Variants in HECW1 observed in about 807,000 individuals in gnomAD.
The protein encoded by HECW1 is HECT, C2 and WW domain containing E3 ubiquitin protein ligase 1, also known as E3 ubiquitin-protein ligase HECW1.
HECW1 carries 61 observed loss-of-function variants against 182.3 expected under a neutral mutation model. The observed-to-expected ratio is 0.33, with a 90% CI of 0.27 to 0.41. The LOEUF is 0.41. Among genes scored for constraint, HECW1 ranks in the 10% least tolerant of loss-of-function variants. The pLI, the probability that HECW1 is intolerant of heterozygous loss-of-function variation, is 1.00. For synonymous variants in HECW1, 859 were observed against 832.6 expected (o/e 1.03, Z -0.55); for missense variants, 1,739 against 2,108.9 (o/e 0.82, Z 3.44).
chr7:43,304,811 G>A (rs1408853307), intron 3 of HECW1, among the ~76,000 whole-genome samples: 1 of 152,174 alleles, frequency 6.6e-6, no homozygotes, highest in Non-Finnish European at 1.5e-5. Context: ...AGTATTTACT[G>A]AGCATCATCT....
At chr7:43,406,206 G>A (rs992743006) in intron 7 of HECW1, among the ~76,000 whole-genome samples, 2 of 152,176 alleles carry the variant, frequency 1.3e-5, no homozygotes, top group African/African-American at 4.8e-5. Flanking sequence ...ACAGTGCAGA[G>A]ATCTACCAGT....
At chr7:43,230,130 C>G (rs534392276) in intron 2 of HECW1, among the ~76,000 whole-genome samples, 1 of 152,328 alleles carries the variant, frequency 6.6e-6, no homozygotes, top group Non-Finnish European at 1.5e-5. Flanking sequence ...CAGTGGCTCA[C>G]GCCTGTAATC....
intron 3 of HECW1, among the ~76,000 whole-genome samples, chr7:43,285,115 A>G (rs1040267456): frequency 2.6e-5 from 4 of 152,048 alleles, no homozygotes; most frequent in Non-Finnish European, 5.9e-5. Context: ...AGCAAGTCTT[A>G]CTGCTAACTG....
intron 3 of HECW1, among the ~76,000 whole-genome samples, chr7:43,301,535 G>A (rs1439148277): frequency 6.6e-6 from 1 of 152,148 alleles, no homozygotes; most frequent in Non-Finnish European, 1.5e-5. Context: ...ACAAGGCCTG[G>A]TACACACTAA....
intron 2 of HECW1, chr7:43,241,510 G>A (rs1412287504): frequency 6.6e-6 from 1 of 152,080 alleles, no homozygotes; most frequent in Non-Finnish European, 1.5e-5. Context: ...ACAGTAAACT[G>A]TAAAGTGAAA....
intron 29 of HECW1, among the ~76,000 whole-genome samples, chr7:43,555,720 G>T (rs2081994477): frequency 6.6e-6 from 1 of 152,172 alleles, no homozygotes; most frequent in Non-Finnish European, 1.5e-5. Context: ...TCATGGGCAT[G>T]CCCAGCTGGT....
chr7:43,235,755 G>A (rs1191922891), intron 2 of HECW1, among the ~76,000 whole-genome samples: 1 of 152,110 alleles, frequency 6.6e-6, no homozygotes, highest in Non-Finnish European at 1.5e-5. Flanking sequence ...CTGGCATCTT[G>A]GTGGGGAGTC....
chr7:43,308,016 TATATA>T (rs1244207415), intron 3 of HECW1, among the ~76,000 whole-genome samples: 7 of 120,290 alleles, frequency 5.8e-5, no homozygotes, highest in South Asian at 2.2e-4. Flanking sequence ...ATATACAGTA[TATATA>T]ATATATTATA....
At chr7:43,262,311 A>G (rs535883942) in intron 3 of HECW1, among the ~76,000 whole-genome samples, 22 of 152,272 alleles carry the variant, frequency 1.4e-4, no homozygotes, top group African/African-American at 5.3e-4. Flanking sequence ...AGAAAAAAGA[A>G]AACAATGGCT....
At chr7:43,233,960 A>G (rs987576013) in intron 2 of HECW1, among the ~76,000 whole-genome samples, 7 of 152,246 alleles carry the variant, frequency 4.6e-5, no homozygotes, top group Admixed American at 3.3e-4. Flanking sequence ...GGGAAAGATA[A>G]GATACTTCAT....
chr7:43,305,682 C>A (rs1470504988), intron 3 of HECW1, among the ~76,000 whole-genome samples: 1 of 151,810 alleles, frequency 6.6e-6, no homozygotes, highest in African/African-American at 2.4e-5. Context: ...CTCACTGCAA[C>A]CTCCACCTCC....
chr7:43,338,560 T>C (rs1397818216), intron 5 of HECW1, among the ~76,000 whole-genome samples: 3 of 152,234 alleles, frequency 2.0e-5, no homozygotes, highest in Non-Finnish European at 2.9e-5. Flanking sequence ...GCCATTCTTG[T>C]CTAATGTATG....
chr7:43,235,207 G>A (rs1001093941), intron 2 of HECW1, among the ~76,000 whole-genome samples: 1 of 152,108 alleles, frequency 6.6e-6, no homozygotes, highest in Non-Finnish European at 1.5e-5. Flanking sequence ...GGAGTTCCCC[G>A]GCCCCCACAC....
chr7:43,321,246 A>G (rs1374677476), intron 5 of HECW1, among the ~76,000 whole-genome samples: 1 of 152,300 alleles, frequency 6.6e-6, no homozygotes, highest in South Asian at 2.1e-4. Context: ...AGACATTGGT[A>G]CTACCAGCCT....
In HECW1 at chr7:43,114,320, C is replaced by T; in HGVS notation, c.-103C>T. On this transcript the variant is annotated 5_prime_UTR_variant, in exon 2 of 30. The change creates a premature stop within an existing upstream ORF in the 5' untranslated region. Coordinates refer to ENST00000395891, the MANE Select transcript of HECW1 (RefSeq NM_015052.5). ...TAAAGACCCCGGCAGTGTTGTGGTC[C>T]AAGGCGTCTCAAAGCAGGTGGCCAG... is the stretch of plus-strand genomic sequence containing the variant. 7.3e-7 allele frequency: 1 copy of T among 1,361,466 alleles called. No individual in the cohort carries two copies. The highest frequency in any genetic ancestry group is 1.2e-5 in the South Asian group (1 of 81,654). The allele number at this position is 1,361,466 out of a possible 1,614,324, so 84.3% of individuals were successfully genotyped here. A position where few individuals can be genotyped will look rare whatever the true frequency, so the allele number is the denominator to read the frequency against.
intron 8 of HECW1, among the ~76,000 whole-genome samples, chr7:43,414,564 C>T (rs2075921966): frequency 6.6e-6 from 1 of 150,686 alleles, no homozygotes. Flanking sequence ...CCAGTTTTTG[C>T]CCATTCAGTA....
chr7:43,428,568 A>G (rs1485970229), intron 8 of HECW1, among the ~76,000 whole-genome samples: 1 of 152,246 alleles, frequency 6.6e-6, no homozygotes, highest in African/African-American at 2.4e-5. Context: ...AATGGACTCT[A>G]GAGTGAGGAA....
chr7:43,462,246 G>A (rs1053074987), intron 13 of HECW1, among the ~76,000 whole-genome samples: 3 of 151,678 alleles, frequency 2.0e-5, no homozygotes, highest in African/African-American at 7.3e-5. Context: ...GAGACAAAAA[G>A]TCTCCAGGAA....
chr7:43,253,123 C>T (rs73101154), intron 3 of HECW1, among the ~76,000 whole-genome samples: 18,272 of 150,662 alleles, frequency 0.12, 2,288 homozygotes, highest in African/African-American at 0.32. Flanking sequence ...CTCAAACATC[C>T]GCACTTTAAA....
Sources: allele counts gnomAD v4.1 joint callset (sites outside exome capture counted in the v4.1 genomes callset), GRCh38; gene constraint gnomAD v4.1.1; transcripts MANE v1.5; gene names NCBI Gene and HGNC (gene_info 2026-07-23, HGNC 2026-07-21).